PABPC4L: variants seen among roughly 807,000 people sequenced by gnomAD.
PABPC4L encodes the protein polyadenylate-binding protein 4-like.
For missense variants in PABPC4L, 452 were observed against 451.4 expected, an observed-to-expected ratio of 1.00 and a Z score of -0.01; for synonymous variants, 169 against 164.1, an observed-to-expected ratio of 1.03 and a Z score of -0.23.
chr4:133,967,998 G>A, the PABPC4L span, among the ~76,000 whole-genome samples: 5 of 152,216 alleles, frequency 3.3e-5, no homozygotes, highest in Non-Finnish European at 7.3e-5. Flanking sequence ...AGAAAAGAGT[G>A]TAACAGATTC....
chr4:134,200,987 G>T lies in PABPC4L; in HGVS notation c.33C>A (p.Ser11=), dbSNP rs531444911. MNVAAKYRMA[S]LYVGDLHADV... is the part of the protein sequence containing the mutation. ...CTGCATGTAAGTCACCCACATACAGGGAGGCCATGCGGTACTTGGCTGCTA... is the reference window on the plus strand; with the variant it reads ...CTGCATGTAAGTCACCCACATACAGTGAGGCCATGCGGTACTTGGCTGCTA... Residue 11 remains serine (S), a synonymous_variant, in exon 2 of 2, where the codon TCC becomes TCA. Transcript: ENST00000421491. 302 of 1,552,610 alleles carry T rather than the reference G, an allele frequency of 1.9e-4. 4 individuals carry two copies. In the South Asian group the frequency reaches 3.4e-3, roughly 17 times the overall value.
the PABPC4L span, among the ~76,000 whole-genome samples, chr4:134,007,677 A>G: frequency 6.6e-6 from 1 of 151,774 alleles, no homozygotes; most frequent in Non-Finnish European, 1.5e-5. Flanking sequence ...TATCTACTAC[A>G]CCCAAAACTA....
chr4:134,192,388 T>C (rs1326080816), downstream of PABPC4L, among the ~76,000 whole-genome samples: 1 of 152,112 alleles, frequency 6.6e-6, no homozygotes, highest in Non-Finnish European at 1.5e-5. Flanking sequence ...GAGATGAGAC[T>C]GGGAAGCGAC....
chr4:134,099,775 G>C, the PABPC4L span, among the ~76,000 whole-genome samples: 5 of 151,476 alleles, frequency 3.3e-5, no homozygotes, highest in East Asian at 2.0e-4. Context: ...CTCAGGGAGG[G>C]GAAAAAAAGA....
At chr4:134,119,993 T>C in the PABPC4L span, among the ~76,000 whole-genome samples, 1 of 151,666 alleles carries the variant, frequency 6.6e-6, no homozygotes. Context: ...CATTCTAACA[T>C]TGATAGCAAT....
chr4:134,123,938 A>G, the PABPC4L span, among the ~76,000 whole-genome samples: 1 of 152,066 alleles, frequency 6.6e-6, no homozygotes, highest in Non-Finnish European at 1.5e-5. Flanking sequence ...GAGAACACAC[A>G]CTAATGGGAA....
chr4:134,000,419 T>C, the PABPC4L span, among the ~76,000 whole-genome samples: 1 of 152,176 alleles, frequency 6.6e-6, no homozygotes, highest in Non-Finnish European at 1.5e-5. Context: ...ACTTATTCTT[T>C]ATCAAATAAC....
At chr4:133,962,257 T>C in the PABPC4L span, among the ~76,000 whole-genome samples, 1,962 of 152,200 alleles carry the variant, frequency 0.013, 42 homozygotes, top group African/African-American at 0.045. Context: ...ACTAGCTCAC[T>C]AGGAATGGAT....
the PABPC4L span, among the ~76,000 whole-genome samples, chr4:134,000,468 G>T: frequency 6.6e-6 from 1 of 151,922 alleles, no homozygotes; most frequent in African/African-American, 2.4e-5. Context: ...GTTTTATTCT[G>T]GCAATATAAA....
chr4:133,956,751 A>G, the PABPC4L span, among the ~76,000 whole-genome samples: 2 of 152,208 alleles, frequency 1.3e-5, no homozygotes, highest in Non-Finnish European at 2.9e-5. Context: ...GGAAGGCCTC[A>G]GGAAACTTAC....
At chr4:134,117,653 G>A in the PABPC4L span, among the ~76,000 whole-genome samples, 4 of 151,886 alleles carry the variant, frequency 2.6e-5, no homozygotes, top group Admixed American at 2.6e-4. Flanking sequence ...GTTGATGTCA[G>A]TGTTCATAGA....
the PABPC4L span, among the ~76,000 whole-genome samples, chr4:134,079,687 CTG>C: frequency 6.9e-6 from 1 of 144,026 alleles, no homozygotes; most frequent in South Asian, 2.4e-4. Context: ...GTGTGTGTGT[CTG>C]TGTGTGTGAG....
At chr4:134,053,991 A>C in the PABPC4L span, among the ~76,000 whole-genome samples, 12 of 151,668 alleles carry the variant, frequency 7.9e-5, no homozygotes, top group Non-Finnish European at 1.5e-4. Context: ...TGAAATCATA[A>C]ATTTTATGAA....
the PABPC4L span, among the ~76,000 whole-genome samples, chr4:133,991,192 G>A: frequency 6.6e-6 from 1 of 152,108 alleles, no homozygotes. Context: ...CCCCAGGAGC[G>A]GGGGTCTATC....
At chr4:134,136,710 A>G in the PABPC4L span, among the ~76,000 whole-genome samples, 3 of 152,158 alleles carry the variant, frequency 2.0e-5, no homozygotes, top group East Asian at 3.9e-4. Flanking sequence ...TTGTTTTTAA[A>G]TGTATTTGCA....
the PABPC4L span, among the ~76,000 whole-genome samples, chr4:133,994,942 G>T: frequency 1.3e-5 from 2 of 152,138 alleles, no homozygotes; most frequent in African/African-American, 4.8e-5. Flanking sequence ...CCAGATCCCG[G>T]TTGCAACCTT....
the PABPC4L span, among the ~76,000 whole-genome samples, chr4:133,973,929 A>C: frequency 2.0e-5 from 3 of 152,160 alleles, no homozygotes; most frequent in Non-Finnish European, 2.9e-5. Context: ...GGAAATATAA[A>C]ATGTTATGTA....
At chr4:134,172,019 A>G in the PABPC4L span, among the ~76,000 whole-genome samples, 1,220 of 152,206 alleles carry the variant, frequency 8.0e-3, 15 homozygotes, top group African/African-American at 0.027. Flanking sequence ...ATCAAAGATG[A>G]CATGAACAGA....
chr4:134,070,624 C>T, the PABPC4L span, among the ~76,000 whole-genome samples: 7 of 152,164 alleles, frequency 4.6e-5, no homozygotes, highest in African/African-American at 1.7e-4. Context: ...CCCACCCAGA[C>T]ACTGGCAAAG....
Sources: gnomAD v4.1 joint callset for allele counts (sites outside exome capture counted in the v4.1 genomes callset) on GRCh38, gnomAD v4.1.1 for gene constraint, MANE v1.5 for transcripts, NCBI Gene and HGNC (gene_info 2026-07-23, HGNC 2026-07-21) for gene names.